RAMACL: variants seen among roughly 807,000 people sequenced by gnomAD.
RAMACL encodes RNA guanine-N7 methyltransferase-activating subunit-like protein.
In RAMACL, 9 loss-of-function variants were observed where a neutral mutation model predicts 13.4. The observed-to-expected ratio is 0.67, with a 90% CI of 0.41 to 1.17. The LOEUF is 1.17. Ranked by LOEUF, RAMACL falls within the 50% of genes most tolerant of loss-of-function variation. The pLI is 0.01. For missense variants in RAMACL, 124 were observed against 141.6 expected (o/e 0.88, Z 0.63); for synonymous variants, 39 against 49.3 (o/e 0.79, Z 0.88).
downstream of RAMACL, among the ~76,000 whole-genome samples, chr6:166,583,470 G>A (rs181988328): frequency 1.3e-5 from 2 of 152,352 alleles, no homozygotes; most frequent in African/African-American, 2.4e-5. Flanking sequence ...TGGTGGTGGA[G>A]AGCTTAAGCA....
At chr6:166,585,959 G>A (rs1430927415) in exon 1 of RAMACL, among the ~76,000 whole-genome samples, 2 of 30,270 alleles carry the variant, frequency 6.6e-5, no homozygotes, top group Non-Finnish European at 1.1e-4. Flanking sequence ...AGCAACCATC[G>A]CATTTCGCAA....
At chr6:166,586,427 A>T in exon 1 of RAMACL, 1 of 1,599,950 alleles carries the variant, frequency 6.3e-7, no homozygotes, top group Non-Finnish European at 8.5e-7. Context: ...CTGTGAATCT[A>T]CTAGCAAACA....
rs1476554341 is a variant in RAMACL at position 166,586,456 on chromosome 6, C to A, written c.22G>T (p.Val8Phe). 4.4e-6 allele frequency: 7 copies of A among 1,598,776 alleles called. No homozygotes were observed. In the East Asian group the frequency reaches 1.3e-4, roughly 31 times the overall value. Residue 8 changes from valine (V) to phenylalanine (F), a missense_variant, in exon 1 of 1, where the codon GTT becomes TTT. Transcript: ENST00000444122. ...GCAAACATCTCTTCAAAATTTGGAACAGCTTCGGCAGTGTCAGTCATTCTG... is the reference window on the plus strand; with the variant it reads ...GCAAACATCTCTTCAAAATTTGGAAAAGCTTCGGCAGTGTCAGTCATTCTG...
At chr6:166,586,274 G>C in exon 1 of RAMACL, 1 of 1,597,546 alleles carries the variant, frequency 6.3e-7, no homozygotes, top group Non-Finnish European at 8.5e-7. Flanking sequence ...CCCATCTGTT[G>C]TCCCTGCCTC....
chr6:166,585,044 G>C (rs1366285349), downstream of RAMACL, among the ~76,000 whole-genome samples: 1 of 152,080 alleles, frequency 6.6e-6, no homozygotes. Flanking sequence ...GGTCATCTTT[G>C]CACCTCTGAG....
chr6:166,583,771 C>T (rs3778388), downstream of RAMACL, among the ~76,000 whole-genome samples: 28 of 152,338 alleles, frequency 1.8e-4, no homozygotes, highest in East Asian at 5.4e-3. Context: ...GGAGGCATCA[C>T]GCCAAAGGAA....
chr6:166,586,518 T>C (rs1785179447), exon 1 of RAMACL: 3 of 1,559,606 alleles, frequency 1.9e-6, no homozygotes, highest in Non-Finnish European at 2.6e-6. Flanking sequence ...TATTGCTTAA[T>C]GTTTAGGTTG....
chr6:166,583,040 C>T (rs115975056), downstream of RAMACL, among the ~76,000 whole-genome samples: 216 of 152,304 alleles, frequency 1.4e-3, no homozygotes, highest in African/African-American at 5.0e-3. Context: ...TCATAATTCA[C>T]TTGGGATAAA....
exon 1 of RAMACL, chr6:166,586,219 A>G: frequency 6.3e-7 from 1 of 1,591,758 alleles, no homozygotes; most frequent in Non-Finnish European, 8.5e-7. Context: ...TTGTTACCCC[A>G]GGATCGTCCA....
At chr6:166,586,317 C>T in exon 1 of RAMACL, 1 of 1,599,334 alleles carries the variant, frequency 6.3e-7, no homozygotes, top group Non-Finnish European at 8.5e-7. Context: ...CCGATTGCCT[C>T]TGTTTCTTTG....
At chr6:166,585,498 CTTTTTT>C (rs58153048), downstream of RAMACL, among the ~76,000 whole-genome samples, 13 of 86,308 alleles carry the variant, frequency 1.5e-4, no homozygotes, top group South Asian at 2.4e-3. Flanking sequence ...TCAAACAAGT[CTTTTTT>C]TTTTTTTTTT....
At chr6:166,585,498 CTTTTTTTTTTTT>C (rs58153048), downstream of RAMACL, among the ~76,000 whole-genome samples, 3 of 86,306 alleles carry the variant, frequency 3.5e-5, no homozygotes, top group African/African-American at 7.0e-5. Context: ...TCAAACAAGT[CTTTTTTTTTTTT>C]TTTTTTTTTC....
downstream of RAMACL, among the ~76,000 whole-genome samples, chr6:166,584,286 G>A (rs923430957): frequency 6.6e-6 from 1 of 152,166 alleles, no homozygotes; most frequent in Non-Finnish European, 1.5e-5. Context: ...TTCCTCTGAG[G>A]ACACTACTCC....
At chr6:166,586,634 T>C (rs1209664215) in exon 1 of RAMACL, among the ~76,000 whole-genome samples, 1 of 124,532 alleles carries the variant, frequency 8.0e-6, no homozygotes, top group East Asian at 1.9e-4. Context: ...ACCGTGGAAC[T>C]CCAGACCACT....
exon 1 of RAMACL, chr6:166,586,434 A>C (rs1404421773): frequency 4.4e-5 from 71 of 1,599,802 alleles, no homozygotes; most frequent in Non-Finnish European, 5.9e-5. Flanking sequence ...TCTACTAGCA[A>C]ACATCTCTTC....
downstream of RAMACL, among the ~76,000 whole-genome samples, chr6:166,583,514 G>A (rs144596953): frequency 8.4e-4 from 128 of 152,328 alleles, 2 homozygotes; most frequent in East Asian, 0.02. Context: ...TGGCCAGGCC[G>A]TGCTGAAACA....
downstream of RAMACL, among the ~76,000 whole-genome samples, chr6:166,584,530 C>A (rs1034405263): frequency 6.6e-6 from 1 of 152,132 alleles, no homozygotes; most frequent in Non-Finnish European, 1.5e-5. Context: ...CTTTTTATAG[C>A]TCTATTAGGC....
chr6:166,584,263 G>A (rs1785104912), downstream of RAMACL, among the ~76,000 whole-genome samples: 1 of 152,182 alleles, frequency 6.6e-6, no homozygotes, highest in African/African-American at 2.4e-5. Flanking sequence ...AAGAGCTCTG[G>A]TCTCTCTTCC....
chr6:166,584,308 G>A (rs533678730), downstream of RAMACL, among the ~76,000 whole-genome samples: 86 of 152,276 alleles, frequency 5.6e-4, no homozygotes, highest in South Asian at 1.9e-3. Context: ...ATCGAATCAG[G>A]GCCCCAGGCT....
Sources: allele counts gnomAD v4.1 joint callset (sites outside exome capture counted in the v4.1 genomes callset), GRCh38; gene constraint gnomAD v4.1.1; transcripts MANE v1.5; gene names NCBI Gene and HGNC (gene_info 2026-07-23, HGNC 2026-07-21).